Variants in ADGRA1 observed in about 807,000 individuals in gnomAD.
ADGRA1 encodes the protein G-protein coupled receptor 123.
In ADGRA1, 12 loss-of-function variants were observed where a neutral mutation model predicts 21.3. That is an observed-to-expected ratio of 0.56 (90% CI 0.36 to 0.91). ADGRA1 has a LOEUF of 0.91. Among genes scored for constraint, ADGRA1 ranks in the 40% least tolerant of loss-of-function variants. The probability of loss-of-function intolerance (pLI) is 0.01; values close to 1 mark genes in which losing one functional copy is unlikely to be tolerated. For synonymous variants in ADGRA1, 385 were observed against 368.8 expected, an observed-to-expected ratio of 1.04 and a Z score of -0.50; for missense variants, 790 against 805.6, an observed-to-expected ratio of 0.98 and a Z score of 0.23.
At chr10:133,126,842 C>T (rs1331160637) in intron 5 of ADGRA1, among the ~76,000 whole-genome samples, 1 of 152,182 alleles carries the variant, frequency 6.6e-6, no homozygotes, top group Non-Finnish European at 1.5e-5. Flanking sequence ...GCACTACCCG[C>T]GGGGAGGGGC....
At chr10:133,092,683 A>C (rs987419725) in intron 2 of ADGRA1, among the ~76,000 whole-genome samples, 1 of 151,968 alleles carries the variant, frequency 6.6e-6, no homozygotes, top group African/African-American at 2.4e-5. Context: ...GAGAACCAGA[A>C]AAAACAAGAA....
At chr10:133,103,856 G>A (rs1056850007) in intron 5 of ADGRA1, among the ~76,000 whole-genome samples, 5 of 152,226 alleles carry the variant, frequency 3.3e-5, no homozygotes, top group Admixed American at 1.3e-4. Context: ...GGCTCGGAGC[G>A]TGGCCTCGAG....
chr10:133,114,793 G>A (rs966499802), intron 5 of ADGRA1, among the ~76,000 whole-genome samples: 2 of 152,194 alleles, frequency 1.3e-5, no homozygotes, highest in African/African-American at 2.4e-5. Context: ...GGGCAGTGAA[G>A]GTGCCGGGGC....
chr10:133,091,763 T>C (rs1405194460), intron 2 of ADGRA1, among the ~76,000 whole-genome samples: 2 of 151,950 alleles, frequency 1.3e-5, no homozygotes, highest in African/African-American at 4.8e-5. Flanking sequence ...GCTCCTTGGG[T>C]CTAACACTTC....
rs1330181168 is a variant in ADGRA1 at position 133,102,781 on chromosome 10, A to C, written c.340A>C (p.Lys114Gln). 1.2e-6 allele frequency: 2 copies of C among 1,612,868 alleles called. No individual in the cohort carries two copies. Among genetic ancestry groups the C allele is most frequent in the African/African-American group, 1.3e-5 (1 of 75,018 alleles). Reference protein sequence around the residue: ...TARNIYKQVTKKAPLCLDTDQ... With the variant: ...TARNIYKQVTQKAPLCLDTDQ... ...CAGGAACATCTACAAGCAGGTGACC[A>C]AGAAGGCCCCTCTGTGCCTGGACAC... The change falls in exon 5 of 7, where the codon AAG (lysine) becomes CAG (glutamine). Residue 114 changes from lysine to glutamine, a missense_variant. Around this residue, in one of 3 missense-constraint regions of ADGRA1, gnomAD observed 382 missense variants for 415.6 expected, o/e 0.92. Coordinates refer to ENST00000392607, the MANE Select transcript of ADGRA1 (RefSeq NM_001083909.3).
At chr10:133,093,994 C>T (rs191946687) in intron 2 of ADGRA1, among the ~76,000 whole-genome samples, 3 of 152,396 alleles carry the variant, frequency 2.0e-5, no homozygotes, top group East Asian at 3.9e-4. Context: ...AACCAAATCA[C>T]ACATCTGTTT....
chr10:133,094,447 C>T (rs1243401206), intron 2 of ADGRA1, among the ~76,000 whole-genome samples: 1 of 152,230 alleles, frequency 6.6e-6, no homozygotes, highest in Non-Finnish European at 1.5e-5. Context: ...CACAGTGGCA[C>T]CGCCCCTCGC....
In ADGRA1 at chr10:133,102,790, C is replaced by T. The variant is rs766900302; in HGVS notation, c.349C>T (p.Pro117Ser). 6.2e-7 allele frequency: 1 copy of T among 1,612,836 alleles called. No individual in the cohort carries two copies. Among genetic ancestry groups the T allele is most frequent in the Non-Finnish European group, 8.5e-7 (1 of 1,179,862 alleles). ...NIYKQVTKKA[P>S]LCLDTDQPPY... ...CTACAAGCAGGTGACCAAGAAGGCC[C>T]CTCTGTGCCTGGACACAGACCAGCC... The change falls in exon 5 of 7, where the codon CCT (proline) becomes TCT (serine). Residue 117 changes from proline (P) to serine (S), a missense_variant. This residue lies in a region of ADGRA1 where 382 missense variants were observed against 415.6 expected (regional missense o/e 0.92). Coordinates refer to ENST00000392607, the MANE Select transcript of ADGRA1 (RefSeq NM_001083909.3).
chr10:133,117,914 G>A (rs1369869977), intron 5 of ADGRA1, among the ~76,000 whole-genome samples: 1 of 152,204 alleles, frequency 6.6e-6, no homozygotes, highest in Non-Finnish European at 1.5e-5. Flanking sequence ...CCCTCCCTTT[G>A]CCCACGTGCT....
intron 5 of ADGRA1, among the ~76,000 whole-genome samples, chr10:133,116,782 C>T (rs1168161832): frequency 6.6e-6 from 1 of 152,146 alleles, no homozygotes; most frequent in Non-Finnish European, 1.5e-5. Flanking sequence ...CTCTCCTCCT[C>T]ATCTGACCCC....
chr10:133,096,676 A>G (rs1426104010), intron 2 of ADGRA1, among the ~76,000 whole-genome samples: 5 of 152,220 alleles, frequency 3.3e-5, no homozygotes, highest in East Asian at 1.9e-4. Flanking sequence ...CGGCCGATAC[A>G]TGGCCCCAGG....
chr10:133,106,127 A>G (rs2135882735), intron 5 of ADGRA1, among the ~76,000 whole-genome samples: 1 of 152,272 alleles, frequency 6.6e-6, no homozygotes, highest in Non-Finnish European at 1.5e-5. Flanking sequence ...GTGGAGGGGC[A>G]GTGGCCTGAT....
intron 5 of ADGRA1, among the ~76,000 whole-genome samples, chr10:133,121,162 A>G (rs1852246551): frequency 6.6e-6 from 1 of 152,230 alleles, no homozygotes. Context: ...AGCTCCCCAT[A>G]GTAATCATGG....
chr10:133,089,090 G>C, intron 2 of ADGRA1, 178 bp downstream of exon 2: 2 of 1,143,034 alleles, frequency 1.7e-6, no homozygotes, highest in Non-Finnish European at 2.2e-6. Context: ...GACAGGCCGC[G>C]TGTCTGGGCA....
intron 5 of ADGRA1, among the ~76,000 whole-genome samples, chr10:133,126,971 G>C (rs1852386218): frequency 6.6e-6 from 1 of 152,146 alleles, no homozygotes; most frequent in South Asian, 2.1e-4. Context: ...GCAGCCAACG[G>C]AGCTCTCCCG....
intron 5 of ADGRA1, among the ~76,000 whole-genome samples, chr10:133,124,339 C>A (rs1852334953): frequency 6.6e-6 from 1 of 152,232 alleles, no homozygotes; most frequent in Admixed American, 6.5e-5. Flanking sequence ...TCCCGCTTTG[C>A]CCCTCCGGAC....
chr10:133,117,625 G>A (rs1322734230), intron 5 of ADGRA1, among the ~76,000 whole-genome samples: 1 of 152,272 alleles, frequency 6.6e-6, no homozygotes, highest in Admixed American at 6.5e-5. Flanking sequence ...GAGGCTGCCA[G>A]TTGTCAGCTC....
chr10:133,098,000 C>T (rs1233924818), intron 3 of ADGRA1, among the ~76,000 whole-genome samples: 3 of 152,158 alleles, frequency 2.0e-5, no homozygotes, highest in Non-Finnish European at 4.4e-5. Context: ...CCTACCAACT[C>T]GGGGGGAGGC....
intron 5 of ADGRA1, among the ~76,000 whole-genome samples, chr10:133,112,663 T>C (rs113971557): frequency 9.9e-3 from 816 of 82,200 alleles, no homozygotes; most frequent in African/African-American, 0.02. Flanking sequence ...TTGGGGTCTG[T>C]GGGCCATGTC....
Sources: allele counts gnomAD v4.1 joint callset (sites outside exome capture counted in the v4.1 genomes callset), GRCh38; gene constraint gnomAD v4.1.1; regional missense constraint gnomAD v4.1.1; transcripts MANE v1.5; gene names NCBI Gene and HGNC (gene_info 2026-07-23, HGNC 2026-07-21).